MACROD2: variants seen among roughly 807,000 people sequenced by gnomAD.
MACROD2 encodes the protein ADP-ribose glycohydrolase MACROD2.
MACROD2 carries 36 observed loss-of-function variants against 70.4 expected under a neutral mutation model. That is an observed-to-expected ratio of 0.51 (90% CI 0.39 to 0.68). The LOEUF (loss-of-function observed/expected upper bound fraction) is 0.68, where lower values mean the gene tolerates loss of function less well. Among genes scored for constraint, MACROD2 ranks in the 30% least tolerant of loss-of-function variants. The pLI is 0.00. For missense variants in MACROD2, 496 were observed against 538.4 expected, an observed-to-expected ratio of 0.92 and a Z score of 0.78; for synonymous variants, 172 against 178.8, an observed-to-expected ratio of 0.96 and a Z score of 0.30.
intron 8 of MACROD2, among the ~76,000 whole-genome samples, chr20:15,840,338 G>A (rs570729151): frequency 6.6e-6 from 1 of 152,262 alleles, no homozygotes; most frequent in African/African-American, 2.4e-5. Flanking sequence ...AGAAATTAGT[G>A]CCATAATTCT....
At chr20:15,958,811 G>A (rs1025523028) in intron 12 of MACROD2, among the ~76,000 whole-genome samples, 1 of 152,176 alleles carries the variant, frequency 6.6e-6, no homozygotes, top group African/African-American at 2.4e-5. Context: ...TAGAATTAGT[G>A]TCCTTATAAA....
chr20:14,067,165 C>G (rs528412067), intron 2 of MACROD2, among the ~76,000 whole-genome samples: 1 of 128,756 alleles, frequency 7.8e-6, no homozygotes, highest in East Asian at 2.3e-4. Flanking sequence ...TGCTCTGTTG[C>G]CAGGCTGGGG....
intron 8 of MACROD2, among the ~76,000 whole-genome samples, chr20:15,717,053 T>A (rs1428527950): frequency 6.6e-6 from 1 of 152,238 alleles, no homozygotes; most frequent in East Asian, 1.9e-4. Context: ...AGGTTGGTTG[T>A]AACTGTTTCT....
chr20:14,893,939 C>T (rs1158146679), intron 5 of MACROD2: 1 of 151,954 alleles, frequency 6.6e-6, no homozygotes, highest in East Asian at 1.9e-4. Flanking sequence ...CTTGTACCAC[C>T]ATTTCTGGCA....
At chr20:15,488,174 C>T (rs2047185229) in intron 7 of MACROD2, among the ~76,000 whole-genome samples, 1 of 152,098 alleles carries the variant, frequency 6.6e-6, no homozygotes, top group Admixed American at 6.6e-5. Flanking sequence ...TTAAGTTGAT[C>T]AAGGTCACGT....
intron 5 of MACROD2, among the ~76,000 whole-genome samples, chr20:14,884,851 C>CA (rs1290294617): frequency 6.6e-6 from 1 of 152,124 alleles, no homozygotes; most frequent in Non-Finnish European, 1.5e-5. Flanking sequence ...CCTTGGTCTC[C>CA]ACAACCCTTT....
intron 15 of MACROD2, among the ~76,000 whole-genome samples, chr20:16,006,838 T>G (rs1418708131): frequency 6.6e-6 from 1 of 152,338 alleles, no homozygotes; most frequent in South Asian, 2.1e-4. Context: ...TACTACCATC[T>G]TTTTCAAATA....
chr20:15,121,192 A>G (rs1344718801), intron 5 of MACROD2, among the ~76,000 whole-genome samples: 2 of 152,174 alleles, frequency 1.3e-5, no homozygotes, highest in Non-Finnish European at 2.9e-5. Flanking sequence ...CAGGATAGGT[A>G]GTGCTTACAA....
At chr20:15,604,558 C>T (rs1204035053) in intron 8 of MACROD2, among the ~76,000 whole-genome samples, 1 of 152,186 alleles carries the variant, frequency 6.6e-6, no homozygotes, top group African/African-American at 2.4e-5. Flanking sequence ...CAGCTGTAGG[C>T]TCAACCACAA....
chr20:15,721,170 T>C lies in MACROD2; in HGVS notation c.646-141575T>C, dbSNP rs115804074. On this transcript the variant is annotated intron_variant, in intron 8 of 17. Transcript: ENST00000684519. ...ATGGCATGCCATGAGCATATCACTA[T>C]CCTTAAAAGCACATTCATGGTGCTG... Among the ~76,000 whole-genome samples the C allele has an allele frequency of 7.2e-3, 1,092 of 152,292 alleles. 15 individuals carry two copies. The highest frequency in any genetic ancestry group is 0.025 in the African/African-American group (1,041 of 41,554).
intron 4 of MACROD2, among the ~76,000 whole-genome samples, chr20:14,547,932 A>G (rs1473190783): frequency 1.3e-5 from 2 of 152,110 alleles, no homozygotes; most frequent in African/African-American, 2.4e-5. Flanking sequence ...GGGCTCCAAG[A>G]TGGGGGAGTG....
chr20:15,475,565 A>G (rs1005840284), intron 7 of MACROD2, among the ~76,000 whole-genome samples: 29 of 152,214 alleles, frequency 1.9e-4, no homozygotes, highest in African/African-American at 6.8e-4. Flanking sequence ...TACAGCCATC[A>G]TTGTGTTCCC....
intron 3 of MACROD2, among the ~76,000 whole-genome samples, chr20:14,319,598 A>T (rs758307303): frequency 6.6e-6 from 1 of 152,098 alleles, no homozygotes; most frequent in Non-Finnish European, 1.5e-5. Context: ...CTTTTCCCTC[A>T]TTACTCTGCA....
At chr20:14,124,077 G>A (rs1169015369) in intron 3 of MACROD2, among the ~76,000 whole-genome samples, 1 of 151,984 alleles carries the variant, frequency 6.6e-6, no homozygotes, top group Admixed American at 6.6e-5. Context: ...GCTCCAAAAA[G>A]CAAATGGCAG....
chr20:14,711,525 G>A (rs16994825), intron 5 of MACROD2, among the ~76,000 whole-genome samples: 6 of 152,082 alleles, frequency 3.9e-5, no homozygotes, highest in African/African-American at 1.4e-4. Flanking sequence ...ATTCTTGAAG[G>A]CTTTAAAAAT....
At chr20:15,390,681 A>G (rs923872539) in intron 6 of MACROD2, among the ~76,000 whole-genome samples, 2 of 152,212 alleles carry the variant, frequency 1.3e-5, no homozygotes, top group Non-Finnish European at 2.9e-5. Context: ...TAAAAGTTCC[A>G]ACTTTTACTA....
intron 5 of MACROD2, among the ~76,000 whole-genome samples, chr20:14,836,078 G>A (rs998684676): frequency 6.6e-6 from 1 of 151,652 alleles, no homozygotes; most frequent in Non-Finnish European, 1.5e-5. Context: ...GTAGGTATTA[G>A]ACAAAAACAA....
At chr20:14,855,493 C>T (rs987094732) in intron 5 of MACROD2, among the ~76,000 whole-genome samples, 2 of 151,612 alleles carry the variant, frequency 1.3e-5, no homozygotes, top group Non-Finnish European at 2.9e-5. Context: ...CTGAATCTGT[C>T]CAAACAGTAT....
chr20:16,022,294 G>A (rs1296229198), intron 15 of MACROD2, among the ~76,000 whole-genome samples: 7 of 152,136 alleles, frequency 4.6e-5, no homozygotes, highest in Non-Finnish European at 7.4e-5. Context: ...ATTGTGATCC[G>A]CCCACCTCGG....
Sources: gnomAD v4.1 joint callset for allele counts (sites outside exome capture counted in the v4.1 genomes callset) on GRCh38, gnomAD v4.1.1 for gene constraint, MANE v1.5 for transcripts, NCBI Gene and HGNC (gene_info 2026-07-23, HGNC 2026-07-21) for gene names.